Variants in SUMF1 observed in about 807,000 individuals in gnomAD.
The protein encoded by SUMF1 is formylglycine-generating enzyme.
Under a neutral mutation model 47.6 loss-of-function variants are expected in SUMF1, and 48 were observed. That is an observed-to-expected ratio of 1.01 (90% confidence interval 0.80 to 1.28). SUMF1 has a LOEUF of 1.28. Ranked by LOEUF, SUMF1 falls within the 50% of genes most tolerant of loss-of-function variation. SUMF1 has a pLI of 0.00. For missense variants in SUMF1, 571 were observed against 485.4 expected (o/e 1.18, Z -1.66); for synonymous variants, 230 against 192.1 (o/e 1.20, Z -1.63).
chr3:4,264,397 G>GTTCC (rs1319440237), intron 8 of SUMF1, among the ~76,000 whole-genome samples: 2 of 152,178 alleles, frequency 1.3e-5, no homozygotes, highest in East Asian at 3.8e-4. Context: ...AAATGTCCCA[G>GTTCC]TTCCTTTCTC....
chr3:4,198,360 A>C (rs1261715524), intron 8 of SUMF1, among the ~76,000 whole-genome samples: 1 of 152,144 alleles, frequency 6.6e-6, no homozygotes, highest in African/African-American at 2.4e-5. Flanking sequence ...TTCTGAAGGA[A>C]GTTATCTCTT....
chr3:4,291,240 C>T (rs774307917), intron 8 of SUMF1, among the ~76,000 whole-genome samples: 8 of 152,162 alleles, frequency 5.3e-5, no homozygotes, highest in African/African-American at 1.9e-4. Flanking sequence ...TATGTTAACA[C>T]TGATGGTAGT....
intron 7 of SUMF1, among the ~76,000 whole-genome samples, chr3:4,398,830 G>C (rs1701118743): frequency 6.6e-6 from 1 of 152,148 alleles, no homozygotes; most frequent in South Asian, 2.1e-4. Flanking sequence ...TGAGATGCCT[G>C]ATTTAACATA....
At chr3:4,288,165 T>C (rs1010471729) in intron 8 of SUMF1, among the ~76,000 whole-genome samples, 9 of 152,120 alleles carry the variant, frequency 5.9e-5, no homozygotes, top group African/African-American at 2.2e-4. Flanking sequence ...ATAATACAAA[T>C]GAAGTTCTTA....
At chr3:4,100,690 A>T (rs954573210) in intron 8 of SUMF1, among the ~76,000 whole-genome samples, 2 of 152,028 alleles carry the variant, frequency 1.3e-5, no homozygotes, top group Admixed American at 1.3e-4. Flanking sequence ...CAAACTAAAA[A>T]AAATGATTAA....
chr3:4,289,421 C>A (rs780145664), intron 8 of SUMF1, among the ~76,000 whole-genome samples: 58 of 152,136 alleles, frequency 3.8e-4, no homozygotes, highest in Non-Finnish European at 6.6e-4. Context: ...CCGCACTGGG[C>A]CAGTGTGGTG....
chr3:4,105,741 C>G (rs1574887378), intron 8 of SUMF1, among the ~76,000 whole-genome samples: 1 of 152,174 alleles, frequency 6.6e-6, no homozygotes, highest in African/African-American at 2.4e-5. Flanking sequence ...TTAAAGTCTA[C>G]ACTGCTCCTA....
intron 7 of SUMF1, among the ~76,000 whole-genome samples, chr3:4,392,075 G>A (rs757699494): frequency 1.1e-4 from 16 of 151,954 alleles, no homozygotes; most frequent in Non-Finnish European, 2.1e-4. Context: ...CGATCCACTC[G>A]CCTCAGCCTC....
chr3:4,117,755 T>TC (rs1380869742), intron 8 of SUMF1, among the ~76,000 whole-genome samples: 1 of 150,504 alleles, frequency 6.6e-6, no homozygotes, highest in African/African-American at 2.5e-5. Flanking sequence ...CATGAATCTC[T>TC]CCCCTGATTT....
At chr3:4,272,780 A>G (rs1254649074) in intron 8 of SUMF1, among the ~76,000 whole-genome samples, 2 of 152,158 alleles carry the variant, frequency 1.3e-5, no homozygotes, top group African/African-American at 4.8e-5. Flanking sequence ...TAAAAATTAA[A>G]TTTACCATAT....
rs1489231040 is a variant in SUMF1, at chr3:4,303,322, C to T, written c.1014+73008G>A. 3 of 1,470,868 alleles carry T rather than the reference C, an allele frequency of 2.0e-6. No individual in the cohort carries two copies. In the South Asian group the frequency reaches 4.4e-5, roughly 22 times the overall value. The allele number at this position is 1,470,868 out of a possible 1,614,324, so 91.1% of individuals were successfully genotyped here. A position where few individuals can be genotyped will look rare whatever the true frequency, so the allele number is the denominator to read the frequency against. On this transcript the variant is annotated intron_variant and NMD_transcript_variant, in intron 8 of 12. Coordinates refer to the SUMF1 transcript ENST00000448413. The stretch of plus-strand genomic sequence containing the variant: ...CGGGACCACAAGTCCCAGCATCCAC[C>T]GCGCGGCCCAGGACTGTCAGGGTAG...
At chr3:4,239,725 A>G (rs1220052628) in intron 8 of SUMF1, among the ~76,000 whole-genome samples, 2 of 152,160 alleles carry the variant, frequency 1.3e-5, no homozygotes, top group Non-Finnish European at 2.9e-5. Flanking sequence ...AACAGAGACA[A>G]TTGGACTTCC....
At chr3:4,466,895 A>T (rs1480525334) in intron 1 of SUMF1, 81 bp downstream of exon 1, 13 of 1,547,912 alleles carry the variant, frequency 8.4e-6, no homozygotes, top group Non-Finnish European at 9.6e-6. Flanking sequence ...TTCCCTTCCT[A>T]CTAGTGCCTT....
intron 8 of SUMF1, among the ~76,000 whole-genome samples, chr3:4,133,997 A>T (rs1016630920): frequency 1.3e-5 from 2 of 152,012 alleles, no homozygotes; most frequent in African/African-American, 4.8e-5. Flanking sequence ...TGCCACTAGA[A>T]GGGGCACACA....
chr3:4,056,872 G>A (rs1695200824), intron 9 of SUMF1, among the ~76,000 whole-genome samples: 1 of 151,936 alleles, frequency 6.6e-6, no homozygotes, highest in Non-Finnish European at 1.5e-5. Context: ...CTCCTGAGTA[G>A]CTGGGACTAC....
At chr3:4,273,335 T>A (rs543132187) in intron 8 of SUMF1, among the ~76,000 whole-genome samples, 1 of 152,202 alleles carries the variant, frequency 6.6e-6, no homozygotes, top group African/African-American at 2.4e-5. Flanking sequence ...GAAATAGTAT[T>A]TGGCAATAAA....
At chr3:4,407,183 C>G (rs1701403997) in intron 7 of SUMF1, among the ~76,000 whole-genome samples, 1 of 152,140 alleles carries the variant, frequency 6.6e-6, no homozygotes, top group African/African-American at 2.4e-5. Context: ...GTACAAAGCA[C>G]ACATGGCTGT....
chr3:4,120,501 A>T (rs927535490), intron 8 of SUMF1, among the ~76,000 whole-genome samples: 1 of 152,160 alleles, frequency 6.6e-6, no homozygotes, highest in African/African-American at 2.4e-5. Flanking sequence ...CTGACCTAAA[A>T]TACCATCTTC....
intron 8 of SUMF1, among the ~76,000 whole-genome samples, chr3:4,133,368 A>C (rs529329665): frequency 3.9e-4 from 60 of 152,238 alleles, no homozygotes; most frequent in African/African-American, 1.3e-3. Context: ...AAAATTATGT[A>C]TGATCTCAGG....
Sources: gnomAD v4.1 joint callset for allele counts (sites outside exome capture counted in the v4.1 genomes callset) on GRCh38, gnomAD v4.1.1 for gene constraint, MANE v1.5 for transcripts, NCBI Gene and HGNC (gene_info 2026-07-23, HGNC 2026-07-21) for gene names.